The following ZSCAN22 variants were observed in gnomAD, a reference collection of about 807,000 sequenced individuals.
The protein encoded by ZSCAN22 is zinc finger and SCAN domain-containing protein 22.
A neutral mutation model predicts 12.4 loss-of-function variants in ZSCAN22; 7 were observed. The observed-to-expected ratio is 0.57, with a 90% CI of 0.32 to 1.06. The LOEUF is 1.06. ZSCAN22 is among the 50% of genes least tolerant of loss of function. The pLI is 0.04. For synonymous variants in ZSCAN22, 243 were observed against 255.9 expected (o/e 0.95, Z 0.48); for missense variants, 576 against 631.7 (o/e 0.91, Z 0.94).
intron 1 of ZSCAN22, among the ~76,000 whole-genome samples, chr19:58,333,922 AAATGAT>A (rs1412604287): frequency 2.0e-5 from 3 of 152,278 alleles, no homozygotes; most frequent in African/African-American, 4.8e-5. Context: ...ATTTTTAACT[AAATGAT>A]AATGAAGATA....
In ZSCAN22 at chr19:58,341,997, C is replaced by T. The variant is rs1268538; in HGVS notation, c.*2671C>T. The stretch of plus-strand genomic sequence containing the variant: ...CACCTCTCTTTGCCTCCTACTTGCT[C>T]AGTCTCTGTCACAAGAACTGGATCT... On this transcript the variant is annotated 3_prime_UTR_variant, in exon 3 of 3. Transcript: ENST00000329665. 0.094 allele frequency: 14,369 copies of T among 152,304 alleles called. 1,032 individuals are homozygous for T. The highest frequency in any genetic ancestry group is 0.18 in the African/African-American group (7,535 of 41,508). The allele number at this position is 152,304 out of a possible 1,614,324, so 9.4% of individuals were successfully genotyped here. A position where few individuals can be genotyped will look rare whatever the true frequency, so the allele number is the denominator to read the frequency against.
chr19:58,334,874 G>A lies in ZSCAN22; in HGVS notation c.72G>A (p.Glu24=), dbSNP rs745443389. 1 of 1,613,930 alleles carries A rather than the reference G, an allele frequency of 6.2e-7. No individual in the cohort carries two copies. Among genetic ancestry groups the A allele is most frequent in the South Asian group, 1.1e-5 (1 of 91,088 alleles). Residue 24 remains glutamate (E), a synonymous_variant, in exon 2 of 3, where the codon GAG becomes GAA. Coordinates refer to ENST00000329665, the MANE Select transcript of ZSCAN22 (RefSeq NM_181846.3). ...ACAGCTTCCTTCAAGTGAAGGTGGA[G>A]GAGGAAGAGGAAGCCAGCCTCTCCC... ...EEDSFLQVKV[E]EEEEASLSQG... is the part of the protein sequence containing the mutation.
rs1005047236 is a variant in ZSCAN22, at chr19:58,329,115, G to A, written c.-52+2001G>A. Among the ~76,000 whole-genome samples the A allele has an allele frequency of 2.0e-5, 3 of 152,130 alleles. No homozygotes were observed. The highest frequency in any genetic ancestry group is 4.8e-5 in the African/African-American group (2 of 41,414). ...TTCAGAACTCGAGAGCAGCAGGGGC[G>A]ACAAGGGGCTTAGAAAGGCCACAAG... is the stretch of plus-strand genomic sequence containing the variant. On this transcript the variant is annotated intron_variant, in intron 1 of 2. Transcript: ENST00000329665. The surrounding 1 kb of genome is among the most constrained non-coding windows in gnomAD (Gnocchi z 4.1).
Position 58,342,064 on chromosome 19 carries a change from T to C in ZSCAN22, c.*2738T>C, listed in dbSNP as rs1173265923. The C allele has an allele frequency of 6.6e-6, 1 of 152,194 alleles. No individual in the cohort carries two copies. Among genetic ancestry groups the C allele is most frequent in the East Asian group, 1.9e-4 (1 of 5,190 alleles). The allele number at this position is 152,194 out of a possible 1,614,324, so 9.4% of individuals were successfully genotyped here. ...CTGAGCATCTTCACCCATTTGGTCG[T>C]TGAGACATATCTGTCCATGTCTGTC... On this transcript the variant is annotated 3_prime_UTR_variant, in exon 3 of 3. Coordinates refer to ENST00000329665, the MANE Select transcript of ZSCAN22 (RefSeq NM_181846.3).
At chr19:58,337,341 C>A (rs1219114654) in intron 2 of ZSCAN22, among the ~76,000 whole-genome samples, 1 of 151,666 alleles carries the variant, frequency 6.6e-6, no homozygotes, top group East Asian at 1.9e-4. Context: ...GAGATCAGAG[C>A]CTGCAGGGGA....
Position 58,338,774 on chromosome 19 carries a change from C to T in ZSCAN22, c.924C>T (p.Ser308=). ...AGTGTGGGAAAGCCTTCAGCCGGAG[C>T]ACTCACCTCGCCCAGCACCAGGTTG... ...CSECGKAFSR[S]THLAQHQVVH... The change falls in exon 3 of 3, where the codon AGC becomes AGT. Residue 308 remains serine (S), a synonymous_variant. Coordinates refer to ENST00000329665, the MANE Select transcript of ZSCAN22 (RefSeq NM_181846.3). This position sits in a 1 kb window ranked among gnomAD's most constrained non-coding sequence, Gnocchi z 5.4. The T allele has an allele frequency of 6.2e-7, 1 of 1,614,202 alleles. No individual in the cohort carries two copies. Among genetic ancestry groups the T allele is most frequent in the Non-Finnish European group, 8.5e-7 (1 of 1,180,024 alleles).
chr19:58,330,315 G>C (rs750543024), intron 1 of ZSCAN22, among the ~76,000 whole-genome samples: 3 of 152,142 alleles, frequency 2.0e-5, no homozygotes, highest in African/African-American at 4.8e-5. Context: ...TTTTCAAAAA[G>C]AAAGTATTAT....
chr19:58,336,476 C>T (rs2147988822), intron 2 of ZSCAN22, among the ~76,000 whole-genome samples: 1 of 152,102 alleles, frequency 6.6e-6, no homozygotes, highest in South Asian at 2.1e-4. Context: ...GTGATTTGCA[C>T]TGGTGTATTC....
chr19:58,339,176 G>A lies in ZSCAN22; in HGVS notation c.1326G>A (p.Pro442=), dbSNP rs1175536795. 6 of 1,614,054 alleles carry A rather than the reference G, an allele frequency of 3.7e-6. No homozygotes were observed. Among genetic ancestry groups the A allele is most frequent in the Admixed American group, 1.7e-5 (1 of 60,006 alleles). Residue 442 remains proline, a synonymous_variant, in exon 3 of 3, where the codon CCG becomes CCA. Coordinates refer to ENST00000329665, the MANE Select transcript of ZSCAN22 (RefSeq NM_181846.3). The surrounding 1 kb of genome is among the most constrained non-coding windows in gnomAD (Gnocchi z 5.6). The stretch of plus-strand genomic sequence containing the variant: ...AGCCATATCAGTGTAAGGTTTGTCC[G>A]AAGGCCTTTGCACAGAGCTCCTCCC... ...GEKPYQCKVC[P]KAFAQSSSLI...
chr19:58,334,092 C>A (rs183896928), intron 1 of ZSCAN22, among the ~76,000 whole-genome samples: 2 of 152,284 alleles, frequency 1.3e-5, no homozygotes, highest in Admixed American at 6.5e-5. Context: ...GAGAGAATGA[C>A]CATGTGGCTA....
At chr19:58,331,336 C>T (rs1031932995) in intron 1 of ZSCAN22, among the ~76,000 whole-genome samples, 44 of 150,410 alleles carry the variant, frequency 2.9e-4, no homozygotes, top group Non-Finnish European at 6.1e-4. Context: ...CCTGTCTCAG[C>T]CTCCCAAGTA....
chr19:58,339,028 C>A lies in ZSCAN22; in HGVS notation c.1178C>A (p.Thr393Lys), dbSNP rs753028755. 1.9e-6 allele frequency: 3 copies of A among 1,613,962 alleles called. No individual in the cohort carries two copies. Among genetic ancestry groups the A allele is most frequent in the Middle Eastern group, 3.3e-4 (2 of 6,062 alleles). ...DACGKAFSQS[T>K]HLTQHQRIHT... ...TGTGGGAAAGCCTTCAGCCAGAGCA[C>A]GCACCTGACTCAACACCAGCGCATC... The change falls in exon 3 of 3, where the codon ACG becomes AAG. Residue 393 changes from threonine to lysine, a missense_variant. Coordinates refer to ENST00000329665, the MANE Select transcript of ZSCAN22 (RefSeq NM_181846.3). This position sits in a 1 kb window ranked among gnomAD's most constrained non-coding sequence, Gnocchi z 5.6.
intron 1 of ZSCAN22, 131 bp downstream of exon 1, chr19:58,327,245 G>A (rs910004503): frequency 1.3e-5 from 2 of 152,572 alleles, no homozygotes; most frequent in African/African-American, 4.8e-5. Context: ...GTGAGAGGCT[G>A]ACTAGGGGAC....
rs1336981429 is a variant in ZSCAN22 at position 58,341,008 on chromosome 19, C to T, written c.*1682C>T. The T allele has an allele frequency of 6.6e-6, 1 of 152,160 alleles. No individual in the cohort carries two copies. The highest frequency in any genetic ancestry group is 1.9e-4 in the East Asian group (1 of 5,186). The allele number at this position is 152,160 out of a possible 1,614,324, so 9.4% of individuals were successfully genotyped here. A position where few individuals can be genotyped will look rare whatever the true frequency, so the allele number is the denominator to read the frequency against. ...CATGTCTTACTCTCAGTATCTACAACACACAAGACTCAGTAGGCCCTGACT... is the reference window on the plus strand; with the variant it reads ...CATGTCTTACTCTCAGTATCTACAATACACAAGACTCAGTAGGCCCTGACT... On this transcript the variant is annotated 3_prime_UTR_variant, in exon 3 of 3. Coordinates refer to ENST00000329665, the MANE Select transcript of ZSCAN22 (RefSeq NM_181846.3).
intron 1 of ZSCAN22, 47 bp from the exon 2 acceptor site, chr19:58,334,705 G>A: frequency 7.3e-7 from 1 of 1,366,578 alleles, no homozygotes; most frequent in South Asian, 1.5e-5. Context: ...TAGGCATGAG[G>A]CAGGGCCCAG....
intron 1 of ZSCAN22, among the ~76,000 whole-genome samples, chr19:58,333,821 C>A (rs56654816): frequency 0.1 from 15,685 of 151,916 alleles, 1,295 homozygotes; most frequent in African/African-American, 0.22. Context: ...CCAGCCTGGG[C>A]GACAGAGGGA....
chr19:58,330,198 G>A (rs971494308), intron 1 of ZSCAN22, among the ~76,000 whole-genome samples: 14 of 152,218 alleles, frequency 9.2e-5, no homozygotes, highest in Admixed American at 4.6e-4. Context: ...GCTGAGGCAG[G>A]AGAATGGCGT....
At position 58,327,272 on chromosome 19, in the gene ZSCAN22, C is replaced by A. The variant is rs190926622; in HGVS notation, c.-52+158C>A. On this transcript the variant is annotated intron_variant, in intron 1 of 2. Transcript: ENST00000329665. ...CTAGGGGACGTGAGTAGACGGACTG[C>A]GAGTGCCGGACACACGCGCAGAGGA... Among the ~76,000 whole-genome samples the A allele has an allele frequency of 3.2e-4, 48 of 152,296 alleles. 2 individuals are homozygous for A. The highest frequency in any genetic ancestry group is 2.6e-3 in the Admixed American group (40 of 15,288).
rs756598400 is a variant in ZSCAN22 at position 58,338,396 on chromosome 19, C to T, written c.546C>T (p.Gly182=). The T allele has an allele frequency of 8.7e-6, 14 of 1,614,064 alleles. No homozygotes were observed. In the African/African-American group the frequency reaches 1.9e-4, roughly 22 times the overall value. Residue 182 remains glycine, a synonymous_variant, in exon 3 of 3, where the codon GGC becomes GGT. Coordinates refer to ENST00000329665, the MANE Select transcript of ZSCAN22 (RefSeq NM_181846.3). The surrounding 1 kb of genome is among the most constrained non-coding windows in gnomAD (Gnocchi z 5.4). The part of the protein sequence containing the change: ...PAFVKACEPE[G]SSERSGLSGE... ...TTGTCAAGGCATGTGAACCTGAGGGCAGCTCAGAGAGGTCTGGACTATCAG... is the reference window on the plus strand; with the variant it reads ...TTGTCAAGGCATGTGAACCTGAGGGTAGCTCAGAGAGGTCTGGACTATCAG...
Sources: gnomAD v4.1 joint callset for allele counts (sites outside exome capture counted in the v4.1 genomes callset) on GRCh38, gnomAD v4.1.1 for gene constraint, Gnocchi (gnomAD v3.1) non-coding constraint, MANE v1.5 for transcripts, NCBI Gene and HGNC (gene_info 2026-07-23, HGNC 2026-07-21) for gene names.